Variants in HIVEP3 observed in about 807,000 individuals in gnomAD.
HIVEP3 encodes HIVEP zinc finger 3.
A neutral mutation model predicts 152.8 loss-of-function variants in HIVEP3; 49 were observed. That is an observed-to-expected ratio of 0.32 (90% CI 0.26 to 0.41). The LOEUF is 0.41. Among genes scored for constraint, HIVEP3 ranks in the 10% least tolerant of loss-of-function variants. The probability of loss-of-function intolerance (pLI) is 1.00; values close to 1 mark genes in which losing one functional copy is unlikely to be tolerated. For synonymous variants in HIVEP3, 1,269 were observed against 1,289.0 expected (o/e 0.98, Z 0.33); for missense variants, 2,790 against 3,103.3 (o/e 0.90, Z 2.40).
intron 1 of HIVEP3, among the ~76,000 whole-genome samples, chr1:41,829,670 A>G (rs1391063907): frequency 6.6e-6 from 1 of 151,978 alleles, no homozygotes; most frequent in Non-Finnish European, 1.5e-5. Flanking sequence ...CCTAGCACAT[A>G]CAAACTGATA....
At position 41,793,286 on chromosome 1, in the gene HIVEP3, T is replaced by C. The variant is rs78986651; in HGVS notation, c.-800-92291A>G. ...TGGGCTCCCCCTGTCTCATCAGGGATGCTCTCTATCTGCAGAGCACTACAA... is the reference window on the plus strand; with the variant it reads ...TGGGCTCCCCCTGTCTCATCAGGGACGCTCTCTATCTGCAGAGCACTACAA... On this transcript the variant is annotated intron_variant, in intron 1 of 8. Coordinates refer to ENST00000372583, the MANE Select transcript of HIVEP3 (RefSeq NM_024503.5). Among the ~76,000 whole-genome samples the C allele has an allele frequency of 3.8e-3, 577 of 152,342 alleles. 3 individuals carry two copies. The highest frequency in any genetic ancestry group is 0.013 in the African/African-American group (542 of 41,576).
At chr1:41,618,212 G>C (rs1644996804) in intron 3 of HIVEP3, among the ~76,000 whole-genome samples, 1 of 152,328 alleles carries the variant, frequency 6.6e-6, no homozygotes. Context: ...CCAGAGCCCG[G>C]AGCCACCAGG....
At chr1:41,956,323 G>C (rs583077) in intron 1 of HIVEP3, among the ~76,000 whole-genome samples, 1 of 151,982 alleles carries the variant, frequency 6.6e-6, no homozygotes, top group African/African-American at 2.4e-5. Context: ...ATGCAAACTT[G>C]AGGCCCATTA....
intron 1 of HIVEP3, among the ~76,000 whole-genome samples, chr1:41,888,757 C>A (rs1276708177): frequency 8.1e-6 from 1 of 123,644 alleles, no homozygotes; most frequent in East Asian, 2.7e-4. Context: ...ACACCACATA[C>A]CTCACACATG....
rs997896142 is a variant in HIVEP3, at chr1:41,882,627, A to G, written c.-801+35786T>C. On this transcript the variant is annotated intron_variant, in intron 1 of 8. Coordinates refer to ENST00000372583, the MANE Select transcript of HIVEP3 (RefSeq NM_024503.5). ...CAAGGCAGCCTCCACCTTGCTTCTC[A>G]TACCACCCATCACATTGGAAACAAT... Among the ~76,000 whole-genome samples the G allele has an allele frequency of 4.6e-5, 7 of 152,322 alleles. No individual in the cohort carries two copies. The East Asian group carries it at 1.4e-3, about 29-fold the overall frequency.
intron 1 of HIVEP3, among the ~76,000 whole-genome samples, chr1:41,840,116 A>G (rs1415880876): frequency 6.6e-6 from 1 of 152,120 alleles, no homozygotes; most frequent in Non-Finnish European, 1.5e-5. Flanking sequence ...TTTATGAATC[A>G]GTTTGCCACC....
intron 1 of HIVEP3, among the ~76,000 whole-genome samples, chr1:41,778,336 A>C (rs1648838096): frequency 1.3e-5 from 2 of 152,148 alleles, no homozygotes; most frequent in Non-Finnish European, 2.9e-5. Flanking sequence ...GTCCCAGTGT[A>C]GTTCAGGTGG....
chr1:41,997,789 G>A (rs57835498), intron 1 of HIVEP3, among the ~76,000 whole-genome samples: 15 of 152,292 alleles, frequency 9.8e-5, no homozygotes, highest in African/African-American at 3.6e-4. Flanking sequence ...TTCCCATGCT[G>A]TTTGAATTGA....
intron 1 of HIVEP3, among the ~76,000 whole-genome samples, chr1:42,003,858 G>C (rs1051678178): frequency 1.3e-5 from 2 of 152,062 alleles, no homozygotes; most frequent in Non-Finnish European, 1.5e-5. Context: ...CATGCCTCTG[G>C]GGGAGACATA....
chr1:41,570,777 T>C (rs1041696579), intron 5 of HIVEP3, among the ~76,000 whole-genome samples: 1 of 152,130 alleles, frequency 6.6e-6, no homozygotes, highest in East Asian at 1.9e-4. Context: ...AGGGTCATCA[T>C]TGACTTGGAT....
At chr1:41,668,550 A>T (rs1645829384) in intron 2 of HIVEP3, among the ~76,000 whole-genome samples, 1 of 152,184 alleles carries the variant, frequency 6.6e-6, no homozygotes, top group South Asian at 2.1e-4. Flanking sequence ...CAGACAGCTC[A>T]CTAGTCCGTA....
chr1:41,906,153 G>C (rs1203965394), intron 1 of HIVEP3, among the ~76,000 whole-genome samples: 1 of 152,032 alleles, frequency 6.6e-6, no homozygotes, highest in Non-Finnish European at 1.5e-5. Flanking sequence ...ACTAAAAATA[G>C]GAAAAATCAG....
intron 5 of HIVEP3, among the ~76,000 whole-genome samples, chr1:41,567,435 T>G (rs371631263): frequency 1.3e-5 from 2 of 152,160 alleles, no homozygotes; most frequent in African/African-American, 4.8e-5. Context: ...AAAGAGGAAA[T>G]AGCCCAGTGT....
At chr1:41,771,159 G>C (rs917418194) in intron 1 of HIVEP3, among the ~76,000 whole-genome samples, 1 of 152,120 alleles carries the variant, frequency 6.6e-6, no homozygotes, top group Non-Finnish European at 1.5e-5. Flanking sequence ...AAATAAAATT[G>C]GTTGAGAAAT....
chr1:41,814,252 C>A (rs1651128503), intron 1 of HIVEP3, among the ~76,000 whole-genome samples: 1 of 152,200 alleles, frequency 6.6e-6, no homozygotes, highest in African/African-American at 2.4e-5. Flanking sequence ...ACTCAGCAGA[C>A]ATTTATCTGG....
chr1:41,849,003 T>C (rs1027415381), intron 1 of HIVEP3: 1 of 152,252 alleles, frequency 6.6e-6, no homozygotes, highest in Non-Finnish European at 1.5e-5. Context: ...AGAACCTCCT[T>C]TCTTCCCATT....
At chr1:41,647,197 T>C (rs1025641376) in intron 2 of HIVEP3, among the ~76,000 whole-genome samples, 3 of 152,200 alleles carry the variant, frequency 2.0e-5, no homozygotes, top group South Asian at 2.1e-4. Flanking sequence ...ACCATACTCA[T>C]AGACTTCGAG....
chr1:41,592,264 GTC>G lies in HIVEP3; in HGVS notation c.-521-6948_-521-6947del, dbSNP rs1644598917. On this transcript the variant is annotated intron_variant, in intron 3 of 8. Coordinates refer to ENST00000372583, the MANE Select transcript of HIVEP3 (RefSeq NM_024503.5). ...TGGCAGGAAGCCCTGGAACACACAG[GTC>G]TACTGTGTGACCCTAGGTAAGGCAC... is the stretch of plus-strand genomic sequence containing the variant. Among the ~76,000 whole-genome samples the G allele has an allele frequency of 1.3e-5, 2 of 152,218 alleles. 1 individual carries two copies. Among genetic ancestry groups the G allele is most frequent in the South Asian group, 4.1e-4 (2 of 4,838 alleles).
intron 1 of HIVEP3, among the ~76,000 whole-genome samples, chr1:41,748,880 C>T (rs1230473787): frequency 6.6e-6 from 1 of 152,236 alleles, no homozygotes; most frequent in Non-Finnish European, 1.5e-5. Context: ...CACTTTCCAT[C>T]TCATTGGCTT....
Sources: gnomAD v4.1 joint callset for allele counts (sites outside exome capture counted in the v4.1 genomes callset) on GRCh38, gnomAD v4.1.1 for gene constraint, MANE v1.5 for transcripts, NCBI Gene and HGNC (gene_info 2026-07-23, HGNC 2026-07-21) for gene names.